The following PIKFYVE variants were observed in gnomAD, a reference collection of about 807,000 sequenced individuals.
The protein encoded by PIKFYVE is phosphoinositide kinase, FYVE-type zinc finger containing.
In PIKFYVE, 122 loss-of-function variants were observed where a neutral mutation model predicts 257.9. The observed-to-expected ratio is 0.47, with a 90% CI of 0.41 to 0.55. PIKFYVE has a LOEUF of 0.55. Among genes scored for constraint, PIKFYVE ranks in the 20% least tolerant of loss-of-function variants. The pLI is 0.00. For missense variants in PIKFYVE, 2,160 were observed against 2,536.6 expected, an observed-to-expected ratio of 0.85 and a Z score of 3.19; for synonymous variants, 892 against 868.9, an observed-to-expected ratio of 1.03 and a Z score of -0.47.
chr2:208,310,248 A>T (rs1272974687), intron 12 of PIKFYVE, among the ~76,000 whole-genome samples: 1 of 152,204 alleles, frequency 6.6e-6, no homozygotes, highest in Non-Finnish European at 1.5e-5. Flanking sequence ...TATAAATACA[A>T]ATGGGAATGG....
chr2:208,297,318 A>G (rs536721678), intron 7 of PIKFYVE, among the ~76,000 whole-genome samples: 80 of 152,332 alleles, frequency 5.3e-4, no homozygotes, highest in African/African-American at 1.9e-3. Context: ...AAAAGAGATT[A>G]AATTAAGAAA....
chr2:208,301,165 A>G (rs1479773639), intron 9 of PIKFYVE, 71 bp downstream of exon 9: 2 of 1,565,416 alleles, frequency 1.3e-6, no homozygotes, highest in Non-Finnish European at 1.8e-6. Context: ...GAAGATAGTA[A>G]GAGTTACAGA....
chr2:208,295,301 T>C (rs1175480212), intron 7 of PIKFYVE, among the ~76,000 whole-genome samples: 1 of 152,212 alleles, frequency 6.6e-6, no homozygotes, highest in Non-Finnish European at 1.5e-5. Flanking sequence ...CTTAAGTGTT[T>C]TTCCTCAGAA....
rs369319106 is a variant in PIKFYVE, at chr2:208,354,521, A to G, written c.6107-50A>G. ...TAGTCATTGCTGTTGTCATTTGATT[A>G]TATTTATTAACATAGCTTTATTGCT... On this transcript the variant is annotated intron_variant, in intron 40 of 41. Coordinates refer to ENST00000264380, the MANE Select transcript of PIKFYVE (RefSeq NM_015040.4). 1.7e-5 allele frequency: 25 copies of G among 1,445,790 alleles called. No homozygotes were observed. The African/African-American group carries it at 2.9e-4, about 17-fold the overall frequency. The allele number at this position is 1,445,790 out of a possible 1,614,324, so 89.6% of individuals were successfully genotyped here.
Position 208,301,028 on chromosome 2 carries a change from A to G in PIKFYVE, c.1142A>G (p.His381Arg). The G allele has an allele frequency of 6.2e-7, 1 of 1,614,170 alleles. No homozygotes were observed. The highest frequency in any genetic ancestry group is 1.1e-5 in the South Asian group (1 of 91,082). The change falls in exon 9 of 42, where the codon CAT becomes CGT. Residue 381 changes from histidine (H) to arginine (R), a missense_variant. This residue lies in a region of PIKFYVE where 90 missense variants were observed against 110.6 expected (regional missense o/e 0.81). Coordinates refer to ENST00000264380, the MANE Select transcript of PIKFYVE (RefSeq NM_015040.4). ...FQDHRYWLRTHPNCIVGKELV... is the reference protein window; with the variant it reads ...FQDHRYWLRTRPNCIVGKELV... ...GATCACCGCTACTGGTTGAGAACGC[A>G]TCCCAACTGCATTGTAGGAAAGGAA...
chr2:208,300,814 T>G (rs886845487), intron 8 of PIKFYVE, 123 bp from the exon 9 acceptor site: 1 of 1,151,936 alleles, frequency 8.7e-7, no homozygotes, highest in Non-Finnish European at 1.3e-6. Flanking sequence ...TTGTGTGAGT[T>G]AGCTACCATA....
At position 208,277,977 on chromosome 2, in the gene PIKFYVE, C is replaced by T. The variant is rs190985253; in HGVS notation, c.613+269C>T. On this transcript the variant is annotated intron_variant, in intron 5 of 41. Coordinates refer to ENST00000264380, the MANE Select transcript of PIKFYVE (RefSeq NM_015040.4). ...AACATTAAAATTTATTAGACAAGAT[C>T]GTTAGAGTAGATTACTAATTTAAAT... Among the ~76,000 whole-genome samples the T allele has an allele frequency of 7.2e-5, 11 of 152,206 alleles. No individual in the cohort carries two copies. The East Asian group carries it at 1.7e-3, about 24-fold the overall frequency.
intron 11 of PIKFYVE, 38 bp downstream of exon 11, chr2:208,304,356 C>T (rs933049477): frequency 6.3e-7 from 1 of 1,596,824 alleles, no homozygotes; most frequent in Non-Finnish European, 8.6e-7. Flanking sequence ...TTTGATGGGT[C>T]ATTGCTGTGT....
intron 1 of PIKFYVE, among the ~76,000 whole-genome samples, chr2:208,268,904 A>G (rs1689044970): frequency 6.6e-6 from 1 of 152,148 alleles, no homozygotes; most frequent in South Asian, 2.1e-4. Context: ...GTAGTTAGAG[A>G]ACGCGGATAG....
intron 21 of PIKFYVE, 63 bp from the exon 22 acceptor site, chr2:208,329,779 T>C: frequency 6.3e-7 from 1 of 1,591,532 alleles, no homozygotes; most frequent in Non-Finnish European, 8.6e-7. Context: ...TAATTTGTGG[T>C]CTCATGAAAT....
Position 208,277,593 on chromosome 2 carries a change from C to T in PIKFYVE, c.498C>T (p.Asp166=), listed in dbSNP as rs1002590579. 4.3e-6 allele frequency: 7 copies of T among 1,613,884 alleles called. No homozygotes were observed. The South Asian group carries it at 7.7e-5, about 18-fold the overall frequency. The change falls in exon 5 of 42, where the codon GAC becomes GAT. Residue 166 remains aspartate (D), a synonymous_variant. Coordinates refer to ENST00000264380, the MANE Select transcript of PIKFYVE (RefSeq NM_015040.4). The stretch of plus-strand genomic sequence containing the variant: ...ATAGCCAATGTAAAGAGTGCTATGA[C>T]TGTAGTGAGAAATTTACAACCTTTA... ...MPDSQCKECY[D]CSEKFTTFRR...
Position 208,358,256 on chromosome 2 carries a change from G to A in PIKFYVE, c.*2951G>A, listed in dbSNP as rs779971876. 2 of 152,592 alleles carry A rather than the reference G, an allele frequency of 1.3e-5. No homozygotes were observed. Among genetic ancestry groups the A allele is most frequent in the African/African-American group, 2.4e-5 (1 of 41,406 alleles). 9.5% of individuals were successfully genotyped at this position (152,592 alleles called of 1,614,324 possible). ...AAACTGCCAAGGAAAGTAATTACCT[G>A]TAGGAGTTTGCTGAGCTTGAAGAGT... On this transcript the variant is annotated 3_prime_UTR_variant, in exon 42 of 42. Transcript: ENST00000264380.
At chr2:208,290,233 G>A (rs997796281) in intron 7 of PIKFYVE, among the ~76,000 whole-genome samples, 2 of 152,092 alleles carry the variant, frequency 1.3e-5, no homozygotes, top group Non-Finnish European at 2.9e-5. Context: ...TGTATCCTAC[G>A]GAATAGTTCC....
intron 12 of PIKFYVE, chr2:208,305,222 A>G (rs1303812025): frequency 1.4e-6 from 2 of 1,457,460 alleles, no homozygotes; most frequent in Non-Finnish European, 9.1e-7. Context: ...CTCCCTCAGC[A>G]CCACCATGCC....
chr2:208,329,940 C>T, intron 22 of PIKFYVE, 27 bp downstream of exon 22: 1 of 1,606,334 alleles, frequency 6.2e-7, no homozygotes, highest in Non-Finnish European at 8.5e-7. Context: ...TCCTTCTGTT[C>T]CATTACACAT....
At chr2:208,351,301 A>T in intron 37 of PIKFYVE, 51 bp from the exon 38 acceptor site, 1 of 1,278,304 alleles carries the variant, frequency 7.8e-7, no homozygotes, top group Non-Finnish European at 1.1e-6. Context: ...TGTGTTATAG[A>T]TTACAGTATA....
intron 12 of PIKFYVE, among the ~76,000 whole-genome samples, chr2:208,311,081 C>G (rs891122330): frequency 6.6e-6 from 1 of 151,996 alleles, no homozygotes; most frequent in African/African-American, 2.4e-5. Context: ...AATTGTTGAA[C>G]TCAGGTGGAT....
chr2:208,341,787 A>G (rs761532337), intron 31 of PIKFYVE, among the ~76,000 whole-genome samples: 1 of 152,126 alleles, frequency 6.6e-6, no homozygotes, highest in Non-Finnish European at 1.5e-5. Flanking sequence ...CTTATACCAT[A>G]ACATTGGGGG....
At chr2:208,282,950 C>T (rs115056630) in intron 5 of PIKFYVE, among the ~76,000 whole-genome samples, 16 of 152,224 alleles carry the variant, frequency 1.1e-4, no homozygotes, top group East Asian at 3.9e-4. Flanking sequence ...ATAGGGTTCA[C>T]GCTTCTATAA....
Sources: gnomAD v4.1 joint callset for allele counts (sites outside exome capture counted in the v4.1 genomes callset) on GRCh38, gnomAD v4.1.1 for gene constraint, gnomAD v4.1.1 regional missense constraint, MANE v1.5 for transcripts, NCBI Gene and HGNC (gene_info 2026-07-23, HGNC 2026-07-21) for gene names.